The following FAM20B variants were observed in gnomAD, a reference collection of about 807,000 sequenced individuals.
FAM20B encodes glycosaminoglycan xylosylkinase.
Under a neutral mutation model 43.8 loss-of-function variants are expected in FAM20B, and 23 were observed. That is an observed-to-expected ratio of 0.53 (90% confidence interval 0.38 to 0.74). The LOEUF (loss-of-function observed/expected upper bound fraction) is 0.74. Among genes scored for constraint, FAM20B ranks in the 30% least tolerant of loss-of-function variants. The pLI is 0.00. For missense variants in FAM20B, 440 were observed against 510.5 expected, an observed-to-expected ratio of 0.86 and a Z score of 1.33; for synonymous variants, 178 against 192.4, an observed-to-expected ratio of 0.93 and a Z score of 0.62.
chr1:179,035,258 A>G (rs1650172892), intron 1 of FAM20B: 2 of 545,234 alleles, frequency 3.7e-6, no homozygotes, highest in Non-Finnish European at 6.7e-6. Context: ...TTTCCATTGT[A>G]TTTTTCTCCA....
At chr1:179,039,915 T>G (rs1294288000) in intron 1 of FAM20B, among the ~76,000 whole-genome samples, 1 of 152,014 alleles carries the variant, frequency 6.6e-6, no homozygotes, top group East Asian at 1.9e-4. Flanking sequence ...GTACTTGAGA[T>G]TAGGGAGTGG....
At chr1:179,048,852 T>C (rs1650884480) in intron 2 of FAM20B, among the ~76,000 whole-genome samples, 1 of 152,236 alleles carries the variant, frequency 6.6e-6, no homozygotes, top group Admixed American at 6.5e-5. Flanking sequence ...TTTGTGGATA[T>C]GATTTCACTT....
At chr1:179,030,792 A>G (rs1368920390) in intron 1 of FAM20B, among the ~76,000 whole-genome samples, 1 of 152,068 alleles carries the variant, frequency 6.6e-6, no homozygotes, top group African/African-American at 2.4e-5. Context: ...GGCCCTGCAC[A>G]GTGCTAAGTT....
the FAM20B span, among the ~76,000 whole-genome samples, chr1:179,020,715 C>T: frequency 6.6e-6 from 1 of 152,136 alleles, no homozygotes. Flanking sequence ...CTTGCTAGGA[C>T]CTCACCACAA....
intron 4 of FAM20B, among the ~76,000 whole-genome samples, chr1:179,061,842 A>G (rs950951500): frequency 7.9e-5 from 12 of 152,038 alleles, no homozygotes; most frequent in African/African-American, 2.7e-4. Context: ...TATGAGCTAC[A>G]ATTTATGACC....
chr1:179,065,677 C>T (rs1651660537), intron 6 of FAM20B, among the ~76,000 whole-genome samples: 1 of 152,170 alleles, frequency 6.6e-6, no homozygotes, highest in Non-Finnish European at 1.5e-5. Context: ...ACTGCCTCTC[C>T]CTCTACCCCA....
chr1:179,046,774 G>T (rs964080337), intron 2 of FAM20B, among the ~76,000 whole-genome samples: 1 of 151,966 alleles, frequency 6.6e-6, no homozygotes, highest in East Asian at 1.9e-4. Flanking sequence ...AGGCCGAGGC[G>T]GGCGGATCAC....
In FAM20B at chr1:179,073,430, C is replaced by T. The variant is rs1652014656; in HGVS notation, c.*1286C>T. 1 of 152,320 alleles carries T rather than the reference C, an allele frequency of 6.6e-6. No homozygotes were observed. The highest frequency in any genetic ancestry group is 2.4e-5 in the African/African-American group (1 of 41,456). 9.4% of individuals were successfully genotyped at this position (152,320 alleles called of 1,614,324 possible). A position where few individuals can be genotyped will look rare whatever the true frequency, so the allele number is the denominator to read the frequency against. Reference sequence around the variant, plus strand: ...TCCCAGGTTCAAGCGATTCTCTTGCCTCAGCCTCCAGAGTAGCTGGGATTA... The same window carrying T: ...TCCCAGGTTCAAGCGATTCTCTTGCTTCAGCCTCCAGAGTAGCTGGGATTA... On this transcript the variant is annotated 3_prime_UTR_variant, in exon 8 of 8. Coordinates refer to ENST00000263733, the MANE Select transcript of FAM20B (RefSeq NM_014864.4).
At chr1:179,024,153 G>C (rs569978326), upstream of FAM20B, among the ~76,000 whole-genome samples, 1 of 152,302 alleles carries the variant, frequency 6.6e-6, no homozygotes, top group East Asian at 1.9e-4. Flanking sequence ...AAGTGTGTCT[G>C]TCCTGCAGTA....
chr1:179,040,593 C>T (rs1172554107), intron 1 of FAM20B, among the ~76,000 whole-genome samples: 1 of 124,676 alleles, frequency 8.0e-6, no homozygotes, highest in South Asian at 2.6e-4. Context: ...AGGGGCTCCT[C>T]ACTTCCCAGT....
intron 7 of FAM20B, among the ~76,000 whole-genome samples, chr1:179,068,948 T>TG (rs1651805878): frequency 6.6e-6 from 1 of 152,006 alleles, no homozygotes; most frequent in African/African-American, 2.4e-5. Context: ...AGAGTGCAGG[T>TG]GGGGTGTACA....
chr1:179,041,362 C>T (rs948158928), intron 1 of FAM20B, among the ~76,000 whole-genome samples: 2 of 152,124 alleles, frequency 1.3e-5, no homozygotes, highest in Non-Finnish European at 2.9e-5. Context: ...CCAGCCTGGG[C>T]ACCATTGAGC....
At chr1:179,026,984 A>G (rs919624601) in intron 1 of FAM20B, among the ~76,000 whole-genome samples, 2 of 152,260 alleles carry the variant, frequency 1.3e-5, no homozygotes, top group Non-Finnish European at 2.9e-5. Context: ...TTTAAAGACC[A>G]TACCATCATT....
At position 179,047,291 on chromosome 1, in the gene FAM20B, A is replaced by G. The variant is rs1040261709; in HGVS notation, c.378-2988A>G. On this transcript the variant is annotated intron_variant, in intron 2 of 7. Transcript: ENST00000263733. ...TCTCATTACCTCCCTCCTCCAGACCATCCTGGAAACCACTTCCGTTCTTCC... is the reference window on the plus strand; with the variant it reads ...TCTCATTACCTCCCTCCTCCAGACCGTCCTGGAAACCACTTCCGTTCTTCC... Among the ~76,000 whole-genome samples the G allele has an allele frequency of 2.0e-5, 3 of 152,266 alleles. No individual in the cohort carries two copies. The South Asian group carries it at 6.2e-4, about 32-fold the overall frequency.
intron 1 of FAM20B, among the ~76,000 whole-genome samples, chr1:179,041,717 A>T (rs1223679392): frequency 1.4e-5 from 2 of 146,192 alleles, no homozygotes; most frequent in Non-Finnish European, 3.0e-5. Context: ...GAGACAGGAG[A>T]CGGGAGACGG....
chr1:179,072,175 T>C lies in FAM20B; in HGVS notation c.*31T>C, dbSNP rs73045635. On this transcript the variant is annotated 3_prime_UTR_variant, in exon 8 of 8. Coordinates refer to ENST00000263733, the MANE Select transcript of FAM20B (RefSeq NM_014864.4). ...GACACAAAATAAGTGAAACTTCTTT[T>C]TACAAAGATAGAGAAACAGCACAAT... is the stretch of plus-strand genomic sequence containing the variant. The C allele has an allele frequency of 3.2e-3, 4,814 of 1,524,444 alleles. 109 individuals are homozygous for C. The African/African-American group carries it at 0.058, about 18-fold the overall frequency. The allele number at this position is 1,524,444 out of a possible 1,614,324, so 94.4% of individuals were successfully genotyped here. A position where few individuals can be genotyped will look rare whatever the true frequency, so the allele number is the denominator to read the frequency against.
chr1:179,021,196 A>G, upstream of FAM20B, among the ~76,000 whole-genome samples: 1 of 152,234 alleles, frequency 6.6e-6, no homozygotes, highest in South Asian at 2.1e-4. Flanking sequence ...CATCGATGGT[A>G]GAAGCTTCCT....
chr1:179,032,728 T>C (rs2102483539), intron 1 of FAM20B, among the ~76,000 whole-genome samples: 1 of 152,276 alleles, frequency 6.6e-6, no homozygotes, highest in African/African-American at 2.4e-5. Flanking sequence ...TATTACTTAG[T>C]ATTAGTTTTT....
rs1652085869 is a variant in FAM20B, at chr1:179,075,298, C to G, written c.*3154C>G. 1 of 151,962 alleles carries G rather than the reference C, an allele frequency of 6.6e-6. No individual in the cohort carries two copies. Among genetic ancestry groups the G allele is most frequent in the Non-Finnish European group, 1.5e-5 (1 of 68,010 alleles). The allele number at this position is 151,962 out of a possible 1,614,324, so 9.4% of individuals were successfully genotyped here. ...AATCAAGTCGTTGCAGGGTTTGGAT[C>G]AGCTGTAAGTTAGGTATGCCTACCA... On this transcript the variant is annotated 3_prime_UTR_variant, in exon 8 of 8. Transcript: ENST00000263733.
Sources: allele counts gnomAD v4.1 joint callset (sites outside exome capture counted in the v4.1 genomes callset), GRCh38; gene constraint gnomAD v4.1.1; transcripts MANE v1.5; gene names NCBI Gene and HGNC (gene_info 2026-07-23, HGNC 2026-07-21).